The following TUSC3 variants were observed in gnomAD, a reference collection of about 807,000 sequenced individuals.
TUSC3 encodes tumor suppressor candidate 3.
TUSC3 carries 45 observed loss-of-function variants against 44.8 expected under a neutral mutation model. The ratio of observed to expected loss-of-function variants is 1.00; its 90% CI spans 0.79 to 1.29. The LOEUF is 1.29. Ranked by LOEUF, TUSC3 falls within the 50% of genes most tolerant of loss-of-function variation. The probability of loss-of-function intolerance (pLI) is 0.00; values close to 1 mark genes in which losing one functional copy is unlikely to be tolerated. For missense variants in TUSC3, 519 were observed against 437.9 expected (o/e 1.19, Z -1.65); for synonymous variants, 212 against 152.9 (o/e 1.39, Z -2.85).
chr8:15,830,564 A>C, the TUSC3 span, among the ~76,000 whole-genome samples: 2 of 152,222 alleles, frequency 1.3e-5, no homozygotes, highest in Non-Finnish European at 2.9e-5. Context: ...TATACCATGG[A>C]ATACTATGCA....
At chr8:15,472,479 T>G (rs1800507501) in intron 1 of TUSC3, among the ~76,000 whole-genome samples, 1 of 152,232 alleles carries the variant, frequency 6.6e-6, no homozygotes, top group East Asian at 1.9e-4. Flanking sequence ...TCTGGCCGTT[T>G]CTTCCATTAG....
intron 1 of TUSC3, among the ~76,000 whole-genome samples, chr8:15,438,276 A>C (rs547477357): frequency 6.6e-6 from 1 of 152,178 alleles, no homozygotes; most frequent in Non-Finnish European, 1.5e-5. Context: ...TGTACTTTTT[A>C]GTAGAGACAG....
chr8:15,448,121 T>TATATATATATATGTATATATATATATATA, intron 1 of TUSC3, among the ~76,000 whole-genome samples: 1 of 25,874 alleles, frequency 3.9e-5, no homozygotes, highest in South Asian at 1.1e-3. Flanking sequence ...ATATATATAT[T>TATATATATATATGTATATATATATATATA]TATTTATTTA....
At chr8:15,683,617 C>T (rs138861370) in intron 6 of TUSC3, among the ~76,000 whole-genome samples, 71 of 152,180 alleles carry the variant, frequency 4.7e-4, no homozygotes, top group African/African-American at 1.7e-3. Context: ...CGTCCAGGTT[C>T]TGAATTTATA....
chr8:15,536,550 C>T (rs905207692), upstream of TUSC3, among the ~76,000 whole-genome samples: 19 of 151,238 alleles, frequency 1.3e-4, no homozygotes, highest in Non-Finnish European at 2.7e-4. Context: ...GGCGTGGTGG[C>T]GGGTGCCTAT....
chr8:15,645,572 C>A (rs1324416959), intron 2 of TUSC3, among the ~76,000 whole-genome samples: 6 of 152,052 alleles, frequency 3.9e-5, no homozygotes, highest in African/African-American at 1.4e-4. Context: ...TATTCTTTAA[C>A]CTCTTAAAAG....
chr8:15,427,073 G>A (rs1241322168), intron 1 of TUSC3, among the ~76,000 whole-genome samples: 1 of 127,712 alleles, frequency 7.8e-6, no homozygotes, highest in Non-Finnish European at 1.7e-5. Context: ...TTGTTGTTTG[G>A]TGTTTGTTTT....
intron 2 of TUSC3, among the ~76,000 whole-genome samples, chr8:15,639,803 A>C (rs896259270): frequency 8.9e-5 from 11 of 124,252 alleles, no homozygotes; most frequent in African/African-American, 3.0e-4. Context: ...TTTTGGACCC[A>C]TGAGGATGAC....
intron 6 of TUSC3, among the ~76,000 whole-genome samples, chr8:15,690,041 G>T (rs1299319397): frequency 2.0e-5 from 3 of 151,996 alleles, no homozygotes; most frequent in Admixed American, 2.0e-4. Flanking sequence ...TAATGGGATG[G>T]CTGGGTCAAA....
the TUSC3 span, among the ~76,000 whole-genome samples, chr8:15,792,151 A>G: frequency 4.6e-5 from 7 of 151,642 alleles, no homozygotes; most frequent in African/African-American, 9.7e-5. Flanking sequence ...CACACCCTCT[A>G]CCCACCTTTA....
chr8:15,598,587 G>GTCTGTGTCTCGCCTAT (rs11275085), intron 1 of TUSC3, among the ~76,000 whole-genome samples: 1 of 151,200 alleles, frequency 6.6e-6, no homozygotes, highest in South Asian at 2.1e-4. Flanking sequence ...CCTAAAACTC[G>GTCTGTGTCTCGCCTAT]TCATACTTCC....
At chr8:15,607,142 T>G (rs12544412) in intron 1 of TUSC3, among the ~76,000 whole-genome samples, 54,912 of 151,880 alleles carry the variant, frequency 0.36, 11,360 homozygotes, top group Non-Finnish European at 0.45. Context: ...CACAAATGGT[T>G]GGGGGAGAGC....
intron 2 of TUSC3, among the ~76,000 whole-genome samples, chr8:15,502,057 A>C (rs1013510553): frequency 1.3e-5 from 2 of 152,150 alleles, no homozygotes; most frequent in Admixed American, 1.3e-4. Flanking sequence ...TACAACCATC[A>C]CTTATGTGTT....
At chr8:15,449,814 T>C (rs1800169256) in intron 1 of TUSC3, among the ~76,000 whole-genome samples, 1 of 152,202 alleles carries the variant, frequency 6.6e-6, no homozygotes, top group East Asian at 1.9e-4. Context: ...GTGCCCTATG[T>C]AGGTGACCGT....
At chr8:15,715,985 G>A (rs1810041115) in intron 6 of TUSC3, among the ~76,000 whole-genome samples, 1 of 152,106 alleles carries the variant, frequency 6.6e-6, no homozygotes, top group African/African-American at 2.4e-5. Context: ...GTTGGGTGTG[G>A]TGGCACTCGC....
chr8:15,660,598 T>A (rs533670876), intron 4 of TUSC3, among the ~76,000 whole-genome samples: 1 of 151,944 alleles, frequency 6.6e-6, no homozygotes, highest in South Asian at 2.1e-4. Flanking sequence ...ATTTTTACTA[T>A]AAGATATAAA....
chr8:15,742,025 A>C (rs1043691626), intron 7 of TUSC3, among the ~76,000 whole-genome samples: 1 of 152,214 alleles, frequency 6.6e-6, no homozygotes, highest in Non-Finnish European at 1.5e-5. Context: ...TAGATGGTCC[A>C]AAACACTTTA....
rs541077838 is a variant in TUSC3 at position 15,717,374 on chromosome 8, G to A, written c.799-13292G>A. Reference sequence around the variant, plus strand: ...TAGAGGTCAAAATGGGGATAAGATTGTTTGAGAGTAACGAAGAGACTGCTT... The same window carrying A: ...TAGAGGTCAAAATGGGGATAAGATTATTTGAGAGTAACGAAGAGACTGCTT... On this transcript the variant is annotated intron_variant, in intron 6 of 10. Coordinates refer to ENST00000503731, the MANE Select transcript of TUSC3 (RefSeq NM_006765.4). Among the ~76,000 whole-genome samples the A allele has an allele frequency of 2.2e-4, 33 of 152,136 alleles. 1 individual carries two copies. In the Middle Eastern group the frequency reaches 0.024, roughly 110 times the overall value.
chr8:15,748,726 A>G, intron 9 of TUSC3: 1 of 606,538 alleles, frequency 1.6e-6, no homozygotes, highest in South Asian at 1.4e-5. Flanking sequence ...GTTTAAGCTC[A>G]TTTTGAGGAC....
Sources: gnomAD v4.1 joint callset for allele counts (sites outside exome capture counted in the v4.1 genomes callset) on GRCh38, gnomAD v4.1.1 for gene constraint, MANE v1.5 for transcripts, NCBI Gene and HGNC (gene_info 2026-07-23, HGNC 2026-07-21) for gene names.